COL14A1: variants seen among roughly 807,000 people sequenced by gnomAD.
COL14A1 encodes collagen alpha-1(XIV) chain.
COL14A1 carries 136 observed loss-of-function variants against 230.3 expected under a neutral mutation model. The ratio of observed to expected loss-of-function variants is 0.59; its 90% CI spans 0.51 to 0.68. The LOEUF is 0.68. Ranked by LOEUF, COL14A1 falls within the 30% of genes least tolerant of loss-of-function variation. COL14A1 has a pLI of 0.00. For synonymous variants in COL14A1, 792 were observed against 784.1 expected (o/e 1.01, Z -0.17); for missense variants, 1,976 against 2,215.8 (o/e 0.89, Z 2.17).
intron 39 of COL14A1, 79 bp from the exon 40 acceptor site, chr8:120,315,865 T>G: frequency 1.4e-6 from 2 of 1,449,094 alleles, no homozygotes; most frequent in South Asian, 2.4e-5. Flanking sequence ...TTGGAGGCCT[T>G]CATCTATTTC....
chr8:120,283,768 T>C lies in COL14A1; in HGVS notation c.3957T>C (p.Val1319=), dbSNP rs1820111908. Reference sequence around the variant, plus strand: ...AAAATTCTGACCCATTGGTTGGGGTTATTTTAGACAGTAAGTATATTTATT... The same window carrying C: ...AAAATTCTGACCCATTGGTTGGGGTCATTTTAGACAGTAAGTATATTTATT... ...LNKNSDPLVG[V]ILDNGGKTLT... The change falls in exon 32 of 48, where the codon GTT becomes GTC. Residue 1319 remains valine (V), a synonymous_variant. Transcript: ENST00000297848. 6.2e-7 allele frequency: 1 copy of C among 1,610,214 alleles called. No individual in the cohort carries two copies. The highest frequency in any genetic ancestry group is 8.5e-7 in the Non-Finnish European group (1 of 1,178,894).
chr8:120,204,332 T>A (rs1374988842), intron 9 of COL14A1, among the ~76,000 whole-genome samples: 2 of 152,140 alleles, frequency 1.3e-5, no homozygotes, highest in African/African-American at 4.8e-5. Context: ...CTCACTTATA[T>A]CCCTCACTCT....
chr8:120,362,119 G>A (rs2130370381), intron 45 of COL14A1, among the ~76,000 whole-genome samples: 1 of 152,308 alleles, frequency 6.6e-6, no homozygotes, highest in South Asian at 2.1e-4. Flanking sequence ...AGAGCCTTCG[G>A]GTCCAGCTTA....
chr8:120,190,642 T>C (rs1253215580), intron 5 of COL14A1, among the ~76,000 whole-genome samples: 3 of 152,260 alleles, frequency 2.0e-5, no homozygotes, highest in Admixed American at 6.5e-5. Context: ...TTTGTACCTC[T>C]GGTAGAATTC....
In COL14A1 at chr8:120,262,945, T is replaced by A. The variant is rs1030605766; in HGVS notation, c.2947T>A (p.Tyr983Asn). Residue 983 changes from tyrosine to asparagine, a missense_variant, in exon 24 of 48, where the codon TAT (tyrosine) becomes AAT (asparagine). Tyr to Asn is a moderately radical substitution (Grantham distance 143). Around this residue, in one of 3 missense-constraint regions of COL14A1, gnomAD observed 1,791 missense variants for 2,019.5 expected, o/e 0.89. Coordinates refer to ENST00000297848, the MANE Select transcript of COL14A1 (RefSeq NM_021110.4). ...CTATGGACTTCAGCCTGATTCTGAA[T>A]ATAAAATCAGTGTTTATACAAAGCT... The part of the protein sequence containing the change: ...CFYGLQPDSE[Y>N]KISVYTKLQE... 1 of 1,613,668 alleles carries A rather than the reference T, an allele frequency of 6.2e-7. No individual in the cohort carries two copies. The highest frequency in any genetic ancestry group is 1.3e-5 in the African/African-American group (1 of 74,876).
At chr8:120,294,606 C>G (rs1820469395) in intron 34 of COL14A1, among the ~76,000 whole-genome samples, 1 of 151,372 alleles carries the variant, frequency 6.6e-6, no homozygotes, top group Non-Finnish European at 1.5e-5. Flanking sequence ...TTTGACATAC[C>G]ACCTTGTACT....
intron 1 of COL14A1, among the ~76,000 whole-genome samples, chr8:120,125,584 G>A (rs1422843637): frequency 6.6e-6 from 1 of 152,144 alleles, no homozygotes; most frequent in Non-Finnish European, 1.5e-5. Context: ...CGCAGGGATA[G>A]TGGAAATACC....
rs1820683987 is a variant in COL14A1, at chr8:120,300,719, T to C, written c.4315-13T>C. ...GGCATGCTAATGGTTGTGCTTTTTT[T>C]GTTTCTTTTCAGAGAGATGATGAGT... On this transcript the variant is annotated splice_polypyrimidine_tract_variant and intron_variant, in intron 35 of 47. Transcript: ENST00000297848. The C allele has an allele frequency of 6.2e-7, 1 of 1,607,548 alleles. No individual in the cohort carries two copies. Among genetic ancestry groups the C allele is most frequent in the Admixed American group, 1.7e-5 (1 of 59,094 alleles).
At chr8:120,366,865 G>C (rs1162364462) in intron 45 of COL14A1, among the ~76,000 whole-genome samples, 1 of 152,220 alleles carries the variant, frequency 6.6e-6, no homozygotes, top group South Asian at 2.1e-4. Context: ...CCAGTGGCCT[G>C]GTGCGTGCAA....
In COL14A1 at chr8:120,278,598, G is replaced by A. The variant is rs959478402; in HGVS notation, c.3481+20G>A. On this transcript the variant is annotated intron_variant, in intron 28 of 47. Coordinates refer to ENST00000297848, the MANE Select transcript of COL14A1 (RefSeq NM_021110.4). ...TAGATGGTAAGATATATAAACAATAGTGGCTACCAAATATGATGTTAGAAT... is the reference window on the plus strand; with the variant it reads ...TAGATGGTAAGATATATAAACAATAATGGCTACCAAATATGATGTTAGAAT... The A allele has an allele frequency of 2.5e-6, 4 of 1,603,048 alleles. No homozygotes were observed. Among genetic ancestry groups the A allele is most frequent in the African/African-American group, 1.3e-5 (1 of 74,600 alleles).
chr8:120,215,571 G>A (rs1817726810), intron 13 of COL14A1, among the ~76,000 whole-genome samples: 1 of 152,156 alleles, frequency 6.6e-6, no homozygotes, highest in Admixed American at 6.6e-5. Flanking sequence ...CTGGCTGCTT[G>A]CTGAGGAATA....
chr8:120,293,500 T>C (rs1412012540), intron 34 of COL14A1, among the ~76,000 whole-genome samples: 2 of 151,884 alleles, frequency 1.3e-5, no homozygotes, highest in Non-Finnish European at 3.0e-5. Context: ...AATCCTGTAA[T>C]AATCCTTGAA....
chr8:120,366,616 TC>T (rs1563759993), intron 45 of COL14A1, among the ~76,000 whole-genome samples: 1 of 152,334 alleles, frequency 6.6e-6, no homozygotes, highest in East Asian at 1.9e-4. Context: ...AGAGGTCTGC[TC>T]CATGGAAAAG....
chr8:120,209,952 A>G, intron 12 of COL14A1, 51 bp downstream of exon 12: 3 of 1,296,592 alleles, frequency 2.3e-6, no homozygotes, highest in Non-Finnish European at 3.0e-6. Context: ...TTCCTTAAAT[A>G]AAATAAAATT....
intron 23 of COL14A1, 23 bp downstream of exon 23, chr8:120,255,379 G>A (rs1447291698): frequency 5.9e-6 from 9 of 1,525,554 alleles, no homozygotes; most frequent in East Asian, 2.3e-5. Context: ...CATCACTTAC[G>A]TTTTTGTCAA....
intron 5 of COL14A1, among the ~76,000 whole-genome samples, chr8:120,185,728 T>C (rs1343792209): frequency 6.6e-6 from 1 of 152,162 alleles, no homozygotes; most frequent in Non-Finnish European, 1.5e-5. Context: ...CGGTAACTAG[T>C]AAGTCAGTCA....
chr8:120,297,624 A>T (rs1489594309), intron 35 of COL14A1, 36 bp downstream of exon 35: 4 of 1,178,094 alleles, frequency 3.4e-6, no homozygotes, highest in Non-Finnish European at 2.3e-6. Context: ...TGATTTTTTA[A>T]ATTGTATTTA....
intron 40 of COL14A1, among the ~76,000 whole-genome samples, chr8:120,316,768 A>G (rs925870843): frequency 1.3e-5 from 2 of 151,962 alleles, no homozygotes; most frequent in Admixed American, 1.3e-4. Flanking sequence ...AAGGAAAGCT[A>G]TTGCAAGCAG....
At chr8:120,169,006 C>T (rs1357793958) in intron 5 of COL14A1, among the ~76,000 whole-genome samples, 1 of 152,066 alleles carries the variant, frequency 6.6e-6, no homozygotes, top group Non-Finnish European at 1.5e-5. Flanking sequence ...CAGGTGCGTG[C>T]CACCATGCCC....
Sources: allele counts gnomAD v4.1 joint callset (sites outside exome capture counted in the v4.1 genomes callset), GRCh38; gene constraint gnomAD v4.1.1; regional missense constraint gnomAD v4.1.1; transcripts MANE v1.5; gene names NCBI Gene and HGNC (gene_info 2026-07-23, HGNC 2026-07-21).